The following MMP16 variants were observed in gnomAD, a reference collection of about 807,000 sequenced individuals.
MMP16 encodes matrix metalloproteinase-16.
Under a neutral mutation model 67.8 loss-of-function variants are expected in MMP16, and 12 were observed. That is an observed-to-expected ratio of 0.18 (90% CI 0.11 to 0.29). The LOEUF is 0.29. Among genes scored for constraint, MMP16 ranks in the 10% least tolerant of loss-of-function variants. The pLI is 1.00. For synonymous variants in MMP16, 249 were observed against 255.9 expected (o/e 0.97, Z 0.26); for missense variants, 475 against 765.7 (o/e 0.62, Z 4.48).
At chr8:88,185,446 G>GA (rs972471276) in intron 3 of MMP16, among the ~76,000 whole-genome samples, 14 of 148,962 alleles carry the variant, frequency 9.4e-5, no homozygotes, top group African/African-American at 1.2e-4. Context: ...GTGATGGAAA[G>GA]AAAAAAAAAC....
chr8:88,188,975 G>T (rs187226284), intron 2 of MMP16, among the ~76,000 whole-genome samples: 3 of 152,230 alleles, frequency 2.0e-5, no homozygotes, highest in African/African-American at 4.8e-5. Context: ...ATATTTTAGG[G>T]AGGAATATTA....
rs1419585838 is a variant in MMP16, at chr8:88,032,138, AC to A, written c.*9322del. 1.3e-5 allele frequency: 2 copies of A among 152,208 alleles called. No homozygotes were observed. Among genetic ancestry groups the A allele is most frequent in the Non-Finnish European group, 2.9e-5 (2 of 68,034 alleles). The allele number at this position is 152,208 out of a possible 1,614,324, so 9.4% of individuals were successfully genotyped here. A position where few individuals can be genotyped will look rare whatever the true frequency, so the allele number is the denominator to read the frequency against. On this transcript the variant is annotated 3_prime_UTR_variant, in exon 10 of 10. Transcript: ENST00000286614. ...CCCTAGGTTAAGACACTTACAGCAG[AC>A]AAAAACTGCCCCACCCCTAATCCCC...
chr8:88,127,040 T>C (rs1468422847), intron 4 of MMP16, among the ~76,000 whole-genome samples: 2 of 151,824 alleles, frequency 1.3e-5, no homozygotes, highest in Admixed American at 6.6e-5. Flanking sequence ...TCCAGTACAC[T>C]GGATCGCAGT....
chr8:88,190,691 A>G (rs928658078), intron 2 of MMP16, among the ~76,000 whole-genome samples: 1 of 152,228 alleles, frequency 6.6e-6, no homozygotes, highest in Non-Finnish European at 1.5e-5. Flanking sequence ...AACTATATCT[A>G]TATCCACATA....
intron 3 of MMP16, among the ~76,000 whole-genome samples, chr8:88,182,876 TA>T (rs565426666): frequency 3.4e-3 from 524 of 151,988 alleles, no homozygotes; most frequent in African/African-American, 0.012. Context: ...TGTTCAGCAA[TA>T]AAAAATGAGC....
intron 1 of MMP16, among the ~76,000 whole-genome samples, chr8:88,284,113 C>A (rs763323624): frequency 6.6e-6 from 1 of 152,142 alleles, no homozygotes; most frequent in Non-Finnish European, 1.5e-5. Context: ...ACAGTATTGT[C>A]TTTACTTGTT....
At chr8:88,199,707 A>G (rs569437382) in intron 1 of MMP16, among the ~76,000 whole-genome samples, 10 of 152,122 alleles carry the variant, frequency 6.6e-5, no homozygotes, top group Non-Finnish European at 1.2e-4. Context: ...ATATAAATAT[A>G]TATGTGAGTA....
intron 2 of MMP16, among the ~76,000 whole-genome samples, chr8:88,188,162 T>C (rs1369508545): frequency 6.6e-6 from 1 of 152,208 alleles, no homozygotes; most frequent in Non-Finnish European, 1.5e-5. Flanking sequence ...CTGGACTAGA[T>C]GGATATGGTT....
chr8:88,153,196 C>T (rs2129651934), intron 4 of MMP16, among the ~76,000 whole-genome samples: 1 of 150,942 alleles, frequency 6.6e-6, no homozygotes, highest in South Asian at 2.1e-4. Context: ...CTACAAATCA[C>T]TGCTCAAGGA....
intron 1 of MMP16, among the ~76,000 whole-genome samples, chr8:88,309,718 T>A (rs376369680): frequency 6.6e-6 from 1 of 152,184 alleles, no homozygotes; most frequent in Admixed American, 6.5e-5. Flanking sequence ...AGACAGCACA[T>A]GTATCAATGA....
intron 7 of MMP16, among the ~76,000 whole-genome samples, chr8:88,071,786 C>T (rs926648579): frequency 1.3e-5 from 2 of 152,024 alleles, no homozygotes; most frequent in Non-Finnish European, 2.9e-5. Flanking sequence ...TTCTGTATGG[C>T]CCATGATCTA....
chr8:88,153,514 A>G (rs1208497140), intron 4 of MMP16, among the ~76,000 whole-genome samples: 1 of 152,172 alleles, frequency 6.6e-6, no homozygotes, highest in African/African-American at 2.4e-5. Context: ...GTACCAAAAC[A>G]GAGATATAGA....
intron 6 of MMP16, among the ~76,000 whole-genome samples, chr8:88,092,170 G>A (rs916824331): frequency 6.6e-6 from 1 of 151,880 alleles, no homozygotes; most frequent in Non-Finnish European, 1.5e-5. Context: ...CTCTACTGGT[G>A]TAGTCAGCTG....
chr8:88,327,145 A>T lies in MMP16; in HGVS notation c.62T>A (p.Phe21Tyr). ...AATCCAAAGCAAGGTTTGCAAGAAA[A>T]ACACCCCCGAATGATGCACGAAATC... ...RLDFVHHSGVFFLQTLLWILC... is the reference protein window; with the variant it reads ...RLDFVHHSGVYFLQTLLWILC... The change falls in exon 1 of 10, where the codon TTT becomes TAT. Residue 21 changes from phenylalanine (F) to tyrosine (Y), a missense_variant. By Grantham distance (22) the Phe-to-Tyr change is conservative. Around this residue, in one of 5 missense-constraint regions of MMP16, gnomAD observed 170 missense variants for 239.6 expected, o/e 0.71. Transcript: ENST00000286614. 6.2e-7 allele frequency: 1 copy of T among 1,614,002 alleles called. No individual in the cohort carries two copies. The highest frequency in any genetic ancestry group is 8.5e-7 in the Non-Finnish European group (1 of 1,179,978).
intron 6 of MMP16, among the ~76,000 whole-genome samples, chr8:88,077,043 T>C (rs545143557): frequency 2.0e-5 from 3 of 152,244 alleles, no homozygotes; most frequent in Middle Eastern, 3.4e-3. Context: ...TTGCCACTAA[T>C]AAGGGGAGAA....
intron 1 of MMP16, among the ~76,000 whole-genome samples, chr8:88,221,732 T>A (rs535280972): frequency 1.1e-4 from 17 of 152,156 alleles, no homozygotes; most frequent in African/African-American, 3.6e-4. Context: ...GAAGATTTTT[T>A]AAAAAATCAT....
At chr8:88,159,904 C>T (rs1038703360) in intron 4 of MMP16, among the ~76,000 whole-genome samples, 5 of 149,702 alleles carry the variant, frequency 3.3e-5, no homozygotes, top group Admixed American at 6.7e-5. Flanking sequence ...CGGTTTTCGT[C>T]GTTGGTTCTG....
At chr8:88,070,004 G>C (rs1384000135) in intron 7 of MMP16, among the ~76,000 whole-genome samples, 1 of 152,008 alleles carries the variant, frequency 6.6e-6, no homozygotes, top group Non-Finnish European at 1.5e-5. Context: ...TTTCTACATA[G>C]ACAATTATCT....
intron 1 of MMP16, among the ~76,000 whole-genome samples, chr8:88,259,531 G>A (rs187730402): frequency 2.6e-5 from 4 of 151,726 alleles, no homozygotes; most frequent in Non-Finnish European, 5.9e-5. Context: ...TTAAACGTGT[G>A]GGAAATGTGA....
Sources: allele counts gnomAD v4.1 joint callset (sites outside exome capture counted in the v4.1 genomes callset), GRCh38; gene constraint gnomAD v4.1.1; regional missense constraint gnomAD v4.1.1; transcripts MANE v1.5; gene names NCBI Gene and HGNC (gene_info 2026-07-23, HGNC 2026-07-21).